The following IFT81 variants were observed in gnomAD, a reference collection of about 807,000 sequenced individuals.
IFT81 encodes the protein intraflagellar transport 81, also known as intraflagellar transport protein 81 homolog.
In IFT81, 72 loss-of-function variants were observed where a neutral mutation model predicts 102.6. The observed-to-expected ratio is 0.70, with a 90% CI of 0.58 to 0.85. IFT81 has a LOEUF of 0.85. Ranked by LOEUF, IFT81 falls within the 40% of genes least tolerant of loss-of-function variation. The pLI, the probability that IFT81 is intolerant of heterozygous loss-of-function variation, is 0.00. For missense variants in IFT81, 723 were observed against 787.3 expected (o/e 0.92, Z 0.98); for synonymous variants, 237 against 242.7 (o/e 0.98, Z 0.22).
At chr12:110,201,083 T>C (rs1018832296) in intron 14 of IFT81, among the ~76,000 whole-genome samples, 1 of 152,132 alleles carries the variant, frequency 6.6e-6, no homozygotes, top group African/African-American at 2.4e-5. Flanking sequence ...TTTATATCCT[T>C]CTTTTATATG....
chr12:110,127,332 GA>G (rs1893904353), intron 1 of IFT81, 27 bp from the exon 2 acceptor site: 1 of 1,421,260 alleles, frequency 7.0e-7, no homozygotes, highest in African/African-American at 1.5e-5. Context: ...CAGTATTAAG[GA>G]TTTTTTTTTC....
intron 12 of IFT81, among the ~76,000 whole-genome samples, chr12:110,183,403 C>T (rs868467510): frequency 2.0e-5 from 3 of 152,298 alleles, no homozygotes; most frequent in African/African-American, 7.2e-5. Context: ...GGAATGGTCT[C>T]TGTTGCTGGC....
intron 8 of IFT81, among the ~76,000 whole-genome samples, chr12:110,141,402 T>C (rs1894882976): frequency 6.6e-6 from 1 of 152,186 alleles, no homozygotes; most frequent in African/African-American, 2.4e-5. Flanking sequence ...AAAGAAGGAA[T>C]AGTGAAGTAA....
chr12:110,130,630 G>C (rs767015234), intron 4 of IFT81, among the ~76,000 whole-genome samples: 1 of 152,084 alleles, frequency 6.6e-6, no homozygotes, highest in Non-Finnish European at 1.5e-5. Context: ...GGGTTCCAAA[G>C]TGCTGGGATT....
intron 3 of IFT81, 111 bp from the exon 4 acceptor site, chr12:110,128,839 G>T (rs1440263663): frequency 2.1e-3 from 823 of 386,764 alleles, no homozygotes; most frequent in East Asian, 3.4e-3. Context: ...TTTTTAAAAA[G>T]TTACAGAAAG....
chr12:110,160,348 G>A (rs1326294627), intron 10 of IFT81, among the ~76,000 whole-genome samples: 1 of 152,196 alleles, frequency 6.6e-6, no homozygotes, highest in African/African-American at 2.4e-5. Flanking sequence ...CCTTCAGCCT[G>A]CAGCCAAAAG....
At position 110,218,283 on chromosome 12, in the gene IFT81, C is replaced by T; in HGVS notation, c.*57C>T. ...ATACCACTAGCTATAAGCCTAATCT[C>T]ATAATGTATTTCTTTTTTGAAACTG... On this transcript the variant is annotated 3_prime_UTR_variant, in exon 19 of 19. Transcript: ENST00000242591. The T allele has an allele frequency of 7.9e-7, 1 of 1,264,444 alleles. No homozygotes were observed. The highest frequency in any genetic ancestry group is 1.1e-6 in the Non-Finnish European group (1 of 946,048). The allele number at this position is 1,264,444 out of a possible 1,614,324, so 78.3% of individuals were successfully genotyped here. A position where few individuals can be genotyped will look rare whatever the true frequency, so the allele number is the denominator to read the frequency against.
Position 110,150,118 on chromosome 12 carries a change from T to G in IFT81, c.1041+3070T>G, listed in dbSNP as rs113903270. ...TGTTTGTTTTCTTTTCTTTTCTTTT[T>G]TTTTTTGAGACAGAGTCTCGCTTTG... On this transcript the variant is annotated intron_variant, in intron 10 of 18. Transcript: ENST00000242591. Among the ~76,000 whole-genome samples, 4 of 151,990 alleles carry G rather than the reference T, an allele frequency of 2.6e-5. No individual in the cohort carries two copies. The East Asian group carries it at 7.7e-4, about 29-fold the overall frequency.
intron 7 of IFT81, among the ~76,000 whole-genome samples, chr12:110,136,538 G>A (rs964389206): frequency 2.0e-5 from 3 of 152,080 alleles, no homozygotes; most frequent in Non-Finnish European, 2.9e-5. Flanking sequence ...TCCTTAAACC[G>A]CAAATTCAGT....
chr12:110,173,588 C>T (rs996457852), intron 11 of IFT81, among the ~76,000 whole-genome samples: 5 of 152,216 alleles, frequency 3.3e-5, no homozygotes, highest in African/African-American at 1.2e-4. Context: ...AAGAAGTAGA[C>T]ATGGGAGACT....
chr12:110,180,291 AATTATT>A (rs1307648497), intron 11 of IFT81, 125 bp from the exon 12 acceptor site: 4 of 278,284 alleles, frequency 1.4e-5, no homozygotes, highest in Non-Finnish European at 2.6e-5. Context: ...AATAAAACGA[AATTATT>A]ATATACGTGT....
At chr12:110,195,534 G>A (rs1250456092) in intron 14 of IFT81, among the ~76,000 whole-genome samples, 1 of 152,070 alleles carries the variant, frequency 6.6e-6, no homozygotes, top group Non-Finnish European at 1.5e-5. Context: ...TACTTACTCT[G>A]CCTTCCACCT....
intron 9 of IFT81, among the ~76,000 whole-genome samples, chr12:110,144,754 C>T (rs965880192): frequency 6.6e-6 from 1 of 151,934 alleles, no homozygotes; most frequent in Non-Finnish European, 1.5e-5. Flanking sequence ...AGGTGATCTG[C>T]CCGCCTCAGC....
At chr12:110,135,482 C>A in intron 7 of IFT81, 45 bp downstream of exon 7, 1 of 1,111,126 alleles carries the variant, frequency 9.0e-7, no homozygotes, top group South Asian at 1.4e-5. Context: ...GGAAATAGTT[C>A]CTTCTCATAA....
At chr12:110,127,567 A>G (rs375473940) in intron 2 of IFT81, 43 bp downstream of exon 2, 197 of 1,530,840 alleles carry the variant, frequency 1.3e-4, no homozygotes, top group Non-Finnish European at 1.6e-4. Flanking sequence ...CAGAAAGCCA[A>G]TTTCTCCCTC....
intron 9 of IFT81, among the ~76,000 whole-genome samples, chr12:110,144,319 C>T (rs999538551): frequency 1.3e-5 from 2 of 151,360 alleles, no homozygotes; most frequent in Non-Finnish European, 2.9e-5. Flanking sequence ...CGAGTTCAAG[C>T]GATTCTCCTG....
intron 18 of IFT81, among the ~76,000 whole-genome samples, chr12:110,214,515 A>G (rs996646770): frequency 5.3e-5 from 8 of 152,194 alleles, no homozygotes; most frequent in African/African-American, 1.4e-4. Context: ...CCTCAGGCCA[A>G]CTGAGTTTCC....
At chr12:110,140,244 T>G (rs1894806589) in intron 8 of IFT81, among the ~76,000 whole-genome samples, 1 of 152,200 alleles carries the variant, frequency 6.6e-6, no homozygotes, top group African/African-American at 2.4e-5. Flanking sequence ...ACACATTAAG[T>G]ATTTGTCTGA....
In IFT81 at chr12:110,218,081, A is replaced by G; in HGVS notation, c.1886A>G (p.His629Arg). Residue 629 changes from histidine (H) to arginine (R), a missense_variant, in exon 19 of 19, where the codon CAT (histidine) becomes CGT (arginine). By Grantham distance (29) the His-to-Arg change is conservative. Transcript: ENST00000242591. Reference protein sequence around the residue: ...REKQKVIRESHGPNMKQAKMW... With the variant: ...REKQKVIRESRGPNMKQAKMW... ...AAACAAAAAGTTATACGAGAAAGTC[A>G]TGGTCCAAATATGAAACAAGCAAAA... 1 of 1,605,280 alleles carries G rather than the reference A, an allele frequency of 6.2e-7. No individual in the cohort carries two copies. Among genetic ancestry groups the G allele is most frequent in the Non-Finnish European group, 8.5e-7 (1 of 1,177,534 alleles).
Sources: gnomAD v4.1 joint callset for allele counts (sites outside exome capture counted in the v4.1 genomes callset) on GRCh38, gnomAD v4.1.1 for gene constraint, MANE v1.5 for transcripts, NCBI Gene and HGNC (gene_info 2026-07-23, HGNC 2026-07-21) for gene names.